Variants in PDS5B observed in about 807,000 individuals in gnomAD.
The protein encoded by PDS5B is sister chromatid cohesion protein PDS5 homolog B.
Under a neutral mutation model 184.1 loss-of-function variants are expected in PDS5B, and 51 were observed. The ratio of observed to expected loss-of-function variants is 0.28; its 90% CI spans 0.22 to 0.35. The LOEUF is 0.35. Among genes scored for constraint, PDS5B ranks in the 10% least tolerant of loss-of-function variants. The probability of loss-of-function intolerance (pLI) is 1.00; values close to 1 mark genes in which losing one functional copy is unlikely to be tolerated. For synonymous variants in PDS5B, 566 were observed against 569.2 expected, an observed-to-expected ratio of 0.99 and a Z score of 0.08; for missense variants, 1,180 against 1,723.3, an observed-to-expected ratio of 0.68 and a Z score of 5.58.
At chr13:32,689,922 ACTTCT>A (rs1386397296) in intron 13 of PDS5B, 1 of 152,140 alleles carries the variant, frequency 6.6e-6, no homozygotes, top group East Asian at 1.9e-4. Flanking sequence ...GTAAATCTAG[ACTTCT>A]CTACTCAGCC....
intron 1 of PDS5B, among the ~76,000 whole-genome samples, chr13:32,615,935 G>T (rs554027783): frequency 6.6e-6 from 1 of 152,152 alleles, no homozygotes; most frequent in South Asian, 2.1e-4. Context: ...TTTTTTTATA[G>T]TGTCTAAATT....
chr13:32,589,341 C>A (rs1043840704), intron 1 of PDS5B, among the ~76,000 whole-genome samples: 1 of 152,044 alleles, frequency 6.6e-6, no homozygotes, highest in Non-Finnish European at 1.5e-5. Context: ...AGTACATTAC[C>A]CTCCATCCCC....
chr13:32,620,366 A>C (rs1647202764), intron 1 of PDS5B, among the ~76,000 whole-genome samples: 1 of 152,100 alleles, frequency 6.6e-6, no homozygotes, highest in South Asian at 2.1e-4. Flanking sequence ...GTAACTGTTA[A>C]AAAGTGGTAG....
chr13:32,686,566 T>G (rs1268402140), intron 11 of PDS5B, among the ~76,000 whole-genome samples: 1 of 152,176 alleles, frequency 6.6e-6, no homozygotes, highest in African/African-American at 2.4e-5. Flanking sequence ...GGAAGATTGC[T>G]TGAGGCCAGG....
chr13:32,609,183 C>A (rs1270936747), intron 1 of PDS5B, among the ~76,000 whole-genome samples: 2 of 152,184 alleles, frequency 1.3e-5, no homozygotes, highest in African/African-American at 4.8e-5. Flanking sequence ...CATAAATCCT[C>A]TCCTTAAGAG....
rs769463057 is a variant in PDS5B at position 32,775,014 on chromosome 13, A to G, written c.4309-3A>G. Reference sequence around the variant, plus strand: ...TTAAGCATCTGGTGACTTTCCTTTTAAGGTACGGCGGCGAAGTGCTAAAAG... The same window carrying G: ...TTAAGCATCTGGTGACTTTCCTTTTGAGGTACGGCGGCGAAGTGCTAAAAG... On this transcript the variant is annotated splice_polypyrimidine_tract_variant and splice_region_variant and intron_variant, in intron 34 of 34. Coordinates refer to ENST00000315596, the MANE Select transcript of PDS5B (RefSeq NM_015032.4). 12 of 1,612,568 alleles carry G rather than the reference A, an allele frequency of 7.4e-6. No homozygotes were observed. In the South Asian group the frequency reaches 1.3e-4, roughly 18 times the overall value.
Position 32,694,212 on chromosome 13 carries a change from G to T in PDS5B, c.1470-11G>T. 6.4e-7 allele frequency: 1 copy of T among 1,559,986 alleles called. No individual in the cohort carries two copies. On this transcript the variant is annotated splice_polypyrimidine_tract_variant and intron_variant, in intron 13 of 34. Coordinates refer to ENST00000315596, the MANE Select transcript of PDS5B (RefSeq NM_015032.4). ...TTTTGTTATTTAAATGTGTATGTTT[G>T]TGTTTTTCAGAGCATTGAATGAAAT...
intron 1 of PDS5B, among the ~76,000 whole-genome samples, chr13:32,604,547 G>A (rs2058030516): frequency 3.3e-5 from 5 of 152,126 alleles, no homozygotes; most frequent in Admixed American, 2.0e-4. Context: ...TTTTTGTTGT[G>A]TCTCTGCCAG....
At position 32,753,560 on chromosome 13, in the gene PDS5B, G is replaced by A. The variant is rs372620889; in HGVS notation, c.2941+24G>A. On this transcript the variant is annotated intron_variant, in intron 25 of 34. Transcript: ENST00000315596. The stretch of plus-strand genomic sequence containing the variant: ...TGGTAAGCATATAAGAAAATGGAAA[G>A]GATACTTTTTCAGCCTGCTAGTTTC... 7 of 1,534,624 alleles carry A rather than the reference G, an allele frequency of 4.6e-6. No homozygotes were observed. The African/African-American group carries it at 6.9e-5, about 15-fold the overall frequency.
chr13:32,710,171 C>A, intron 19 of PDS5B, 65 bp downstream of exon 19: 1 of 1,119,010 alleles, frequency 8.9e-7, no homozygotes, highest in Non-Finnish European at 1.2e-6. Flanking sequence ...TTGATTTATG[C>A]AATAATTGGG....
chr13:32,745,934 A>G, intron 23 of PDS5B, 43 bp from the exon 24 acceptor site: 1 of 1,498,332 alleles, frequency 6.7e-7, no homozygotes, highest in African/African-American at 1.4e-5. Context: ...TTTTGTACAA[A>G]TATTTTAAAT....
intron 7 of PDS5B, among the ~76,000 whole-genome samples, chr13:32,668,588 A>G (rs955630207): frequency 6.6e-6 from 1 of 152,148 alleles, no homozygotes; most frequent in East Asian, 1.9e-4. Context: ...CTGGAATACA[A>G]ATGTAGAGTA....
intron 1 of PDS5B, among the ~76,000 whole-genome samples, chr13:32,647,266 G>C (rs755255680): frequency 3.3e-5 from 5 of 151,956 alleles, no homozygotes; most frequent in Non-Finnish European, 7.4e-5. Context: ...TTGCACTCCG[G>C]ATAATTTCTT....
chr13:32,674,162 T>C (rs1477236042), intron 8 of PDS5B, among the ~76,000 whole-genome samples: 2 of 152,202 alleles, frequency 1.3e-5, no homozygotes, highest in Non-Finnish European at 2.9e-5. Context: ...CATTAAATTA[T>C]GCTGTAAAAT....
chr13:32,734,298 A>G (rs940930055), intron 20 of PDS5B, among the ~76,000 whole-genome samples: 2 of 152,144 alleles, frequency 1.3e-5, no homozygotes, highest in Non-Finnish European at 2.9e-5. Context: ...AAGTGCTGGG[A>G]TTACAGATGT....
At chr13:32,694,631 G>A (rs1056177478) in intron 14 of PDS5B, among the ~76,000 whole-genome samples, 2 of 151,868 alleles carry the variant, frequency 1.3e-5, no homozygotes, top group South Asian at 2.1e-4. Context: ...TGCACTTTAT[G>A]TTGCCACTCT....
chr13:32,657,856 A>G (rs541935977), intron 3 of PDS5B, among the ~76,000 whole-genome samples: 24 of 152,276 alleles, frequency 1.6e-4, no homozygotes, highest in Middle Eastern at 3.4e-3. Context: ...TGCTCTTGCT[A>G]TTTAATTACC....
intron 1 of PDS5B, among the ~76,000 whole-genome samples, chr13:32,603,393 A>G (rs1031586241): frequency 3.9e-5 from 6 of 152,182 alleles, no homozygotes; most frequent in Non-Finnish European, 8.8e-5. Context: ...TTTGTCAAAG[A>G]TCAGATGGTT....
chr13:32,687,614 A>T (rs1260605574), intron 12 of PDS5B, among the ~76,000 whole-genome samples: 1 of 152,212 alleles, frequency 6.6e-6, no homozygotes, highest in Non-Finnish European at 1.5e-5. Context: ...TTTTTCAAAG[A>T]AAACTTTAAA....
Sources: gnomAD v4.1 joint callset for allele counts (sites outside exome capture counted in the v4.1 genomes callset) on GRCh38, gnomAD v4.1.1 for gene constraint, MANE v1.5 for transcripts, NCBI Gene and HGNC (gene_info 2026-07-23, HGNC 2026-07-21) for gene names.